The following MAD1L1 variants were observed in gnomAD, a reference collection of about 807,000 sequenced individuals.
MAD1L1 encodes mitotic arrest deficient 1 like 1.
A neutral mutation model predicts 96.9 loss-of-function variants in MAD1L1; 95 were observed. The ratio of observed to expected loss-of-function variants is 0.98; its 90% CI spans 0.83 to 1.16. The LOEUF (loss-of-function observed/expected upper bound fraction) is 1.16, where lower values mean the gene tolerates loss of function less well. Among genes scored for constraint, MAD1L1 ranks in the 50% most tolerant of loss-of-function variants. MAD1L1 has a pLI of 0.00. For synonymous variants in MAD1L1, 473 were observed against 396.6 expected (o/e 1.19, Z -2.29); for missense variants, 1,007 against 954.4 (o/e 1.06, Z -0.73).
chr7:2,098,865 C>G (rs1201258101), intron 11 of MAD1L1, among the ~76,000 whole-genome samples: 1 of 152,238 alleles, frequency 6.6e-6, no homozygotes. Context: ...AGGAAAGCCC[C>G]TGGAGGGCCA....
Position 2,088,943 on chromosome 7 carries a change from G to C in MAD1L1, c.1074-19605C>G, listed in dbSNP as rs1021612523. The C allele has an allele frequency of 2.0e-5, 3 of 152,298 alleles. No homozygotes were observed. Among genetic ancestry groups the C allele is most frequent in the Non-Finnish European group, 4.4e-5 (3 of 68,080 alleles). 9.4% of individuals were successfully genotyped at this position (152,298 alleles called of 1,614,324 possible). ...TGCCTGCAGAAGGCCTCCGAGCCAC[G>C]CATGCAGGCGCCTCACCCGGTGGCT... On this transcript the variant is annotated intron_variant, in intron 11 of 18. Coordinates refer to ENST00000265854, the MANE Select transcript of MAD1L1 (RefSeq NM_001013836.2). The surrounding 1 kb of genome is among the most constrained non-coding windows in gnomAD (Gnocchi z 4.4).
chr7:1,950,419 A>G (rs1033165122), intron 16 of MAD1L1, among the ~76,000 whole-genome samples: 1 of 152,192 alleles, frequency 6.6e-6, no homozygotes, highest in Non-Finnish European at 1.5e-5. Context: ...TCATCAGCAG[A>G]TGAAGGACTC....
intron 17 of MAD1L1, among the ~76,000 whole-genome samples, chr7:1,933,231 G>T (rs1195981336): frequency 6.6e-6 from 1 of 152,308 alleles, no homozygotes; most frequent in Admixed American, 6.5e-5. Flanking sequence ...GGGGCCCAGG[G>T]ATACTCCGGG....
At chr7:2,034,920 G>A (rs566484259) in intron 12 of MAD1L1, among the ~76,000 whole-genome samples, 14 of 152,352 alleles carry the variant, frequency 9.2e-5, no homozygotes, top group East Asian at 5.8e-4. Flanking sequence ...AAAGAGGGCT[G>A]CATGTTTTAA....
chr7:2,127,891 C>A (rs562145860), intron 11 of MAD1L1, among the ~76,000 whole-genome samples: 1 of 152,272 alleles, frequency 6.6e-6, no homozygotes, highest in Admixed American at 6.5e-5. Flanking sequence ...GGCCCCAGAG[C>A]CGGTCTGAAC....
rs1801368 is a variant in MAD1L1 at position 1,936,821 on chromosome 7, C to G, written c.1673G>C (p.Arg558Pro). ...NPTSVARQRL[R>P]EDHSQLQAEC... ...CGCCTGCAGCTGGCTGTGGTCCTCG[C>G]GCAGGCGCTGCCTGGCCACACTGGT... Residue 558 changes from arginine to proline, a missense_variant, in exon 17 of 19, where the codon CGC becomes CCC. Physicochemically the swap from Arg to Pro is moderately radical, Grantham distance 103. Transcript: ENST00000265854. 1.3e-6 allele frequency: 2 copies of G among 1,599,934 alleles called. No homozygotes were observed. Among genetic ancestry groups the G allele is most frequent in the Non-Finnish European group, 8.5e-7 (1 of 1,173,980 alleles).
intron 10 of MAD1L1, among the ~76,000 whole-genome samples, chr7:2,164,027 A>C (rs1396735788): frequency 6.6e-6 from 1 of 152,160 alleles, no homozygotes; most frequent in East Asian, 1.9e-4. Flanking sequence ...TGAGCTCTCC[A>C]AACCTCAACC....
intron 16 of MAD1L1, among the ~76,000 whole-genome samples, chr7:1,951,825 G>A (rs1299872969): frequency 6.6e-6 from 1 of 152,196 alleles, no homozygotes; most frequent in Non-Finnish European, 1.5e-5. Context: ...ACCACACTGT[G>A]TCCATCCATG....
intron 18 of MAD1L1, among the ~76,000 whole-genome samples, chr7:1,828,405 T>G (rs1350841132): frequency 1.3e-5 from 2 of 151,834 alleles, no homozygotes; most frequent in Non-Finnish European, 2.9e-5. Context: ...GAGTGCTCAG[T>G]GAGAGGCTGA....
At chr7:2,180,773 T>G (rs1465591167) in intron 10 of MAD1L1, among the ~76,000 whole-genome samples, 1 of 152,212 alleles carries the variant, frequency 6.6e-6, no homozygotes, top group Non-Finnish European at 1.5e-5. Flanking sequence ...ACTTGTTTAT[T>G]AGCTCTAATA....
At chr7:2,165,434 G>A (rs1790378575) in intron 10 of MAD1L1, among the ~76,000 whole-genome samples, 1 of 152,076 alleles carries the variant, frequency 6.6e-6, no homozygotes, top group African/African-American at 2.4e-5. Context: ...CTCAGGGGAT[G>A]CCTGAGCCGT....
chr7:1,957,714 T>G lies in MAD1L1; in HGVS notation c.1511A>C (p.Lys504Thr), dbSNP rs770001227. 6.2e-7 allele frequency: 1 copy of G among 1,614,094 alleles called. No homozygotes were observed. The highest frequency in any genetic ancestry group is 8.5e-7 in the Non-Finnish European group (1 of 1,180,006). The part of the protein sequence containing the change: ...SREEADTLRL[K>T]VEELEGERSR... Reference sequence around the variant, plus strand: ...CCGCTCGCCTTCCAGCTCCTCGACCTTCAACCTGCAAGGACAGCAAGACGG... The same window carrying G: ...CCGCTCGCCTTCCAGCTCCTCGACCGTCAACCTGCAAGGACAGCAAGACGG... Residue 504 changes from lysine to threonine, a missense_variant, in exon 16 of 19, where the codon AAG becomes ACG. By Grantham distance (78) the Lys-to-Thr change is moderately conservative. Coordinates refer to ENST00000265854, the MANE Select transcript of MAD1L1 (RefSeq NM_001013836.2).
At chr7:2,148,171 C>T (rs1018223244) in intron 11 of MAD1L1, among the ~76,000 whole-genome samples, 1 of 152,170 alleles carries the variant, frequency 6.6e-6, no homozygotes, top group Non-Finnish European at 1.5e-5. Flanking sequence ...TGACATCAGC[C>T]CCCAAAATAA....
At chr7:1,840,888 G>A (rs1443737336) in intron 18 of MAD1L1, among the ~76,000 whole-genome samples, 2 of 152,240 alleles carry the variant, frequency 1.3e-5, no homozygotes, top group African/African-American at 4.8e-5. Context: ...GCCCTGACTC[G>A]GGTGAGTGGA....
At chr7:2,049,684 C>A (rs1034925075) in intron 12 of MAD1L1, among the ~76,000 whole-genome samples, 1 of 152,202 alleles carries the variant, frequency 6.6e-6, no homozygotes, top group South Asian at 2.1e-4. Context: ...CACTGCCTGG[C>A]GTGGGTGGCC....
At chr7:1,916,519 C>T (rs1320377244) in intron 17 of MAD1L1, among the ~76,000 whole-genome samples, 6 of 152,096 alleles carry the variant, frequency 3.9e-5, no homozygotes, top group African/African-American at 7.2e-5. Flanking sequence ...CACGCCAGAG[C>T]ATGAGGCATG....
At chr7:1,997,115 C>A (rs1048192753) in intron 14 of MAD1L1, among the ~76,000 whole-genome samples, 1 of 152,196 alleles carries the variant, frequency 6.6e-6, no homozygotes, top group African/African-American at 2.4e-5. Context: ...CTAATTAGTA[C>A]GGGTTTGCTA....
intron 11 of MAD1L1, among the ~76,000 whole-genome samples, chr7:2,083,328 C>T (rs986406055): frequency 2.0e-5 from 3 of 152,206 alleles, no homozygotes; most frequent in African/African-American, 7.2e-5. Context: ...AGGGCTGACA[C>T]TTGACTTGAG....
chr7:1,929,228 G>A (rs993820712), intron 17 of MAD1L1, among the ~76,000 whole-genome samples: 4 of 150,740 alleles, frequency 2.7e-5, no homozygotes, highest in Non-Finnish European at 4.4e-5. Context: ...CCTCTTCCTC[G>A]CTCCTCCATC....
Sources: gnomAD v4.1 joint callset for allele counts (sites outside exome capture counted in the v4.1 genomes callset) on GRCh38, gnomAD v4.1.1 for gene constraint, Gnocchi (gnomAD v3.1) non-coding constraint, MANE v1.5 for transcripts, NCBI Gene and HGNC (gene_info 2026-07-23, HGNC 2026-07-21) for gene names.